Variants in SERPINF1 observed in about 807,000 individuals in gnomAD.
SERPINF1 encodes the protein serpin family F member 1, also known as pigment epithelium-derived factor.
In SERPINF1, 29 loss-of-function variants were observed where a neutral mutation model predicts 37.3. That is an observed-to-expected ratio of 0.78 (90% CI 0.58 to 1.06). The LOEUF is 1.06. Ranked by LOEUF, SERPINF1 falls within the 50% of genes least tolerant of loss-of-function variation. The pLI is 0.00. For missense variants in SERPINF1, 553 were observed against 532.2 expected (o/e 1.04, Z -0.38); for synonymous variants, 281 against 227.9 (o/e 1.23, Z -2.10).
rs2151211630 is a variant in SERPINF1, at chr17:1,775,108, T to C, written c.694T>C (p.Tyr232His). 3.4e-5 allele frequency: 55 copies of C among 1,614,130 alleles called. No individual in the cohort carries two copies. The highest frequency in any genetic ancestry group is 4.6e-5 in the Non-Finnish European group (54 of 1,180,034). The part of the protein sequence containing the change: ...DSRKTSLEDF[Y>H]LDEERTVRVP... ...CAGAAAGACTTCCCTCGAGGATTTCTACTTGGATGAAGAGAGGACCGTGAG... is the reference window on the plus strand; with the variant it reads ...CAGAAAGACTTCCCTCGAGGATTTCCACTTGGATGAAGAGAGGACCGTGAG... The change falls in exon 6 of 8, where the codon TAC becomes CAC. Residue 232 changes from tyrosine to histidine, a missense_variant. Coordinates refer to ENST00000254722, the MANE Select transcript of SERPINF1 (RefSeq NM_002615.7).
intron 1 of SERPINF1, chr17:1,766,620 G>A (rs1263839391): frequency 1.3e-5 from 4 of 307,822 alleles, no homozygotes; most frequent in Non-Finnish European, 2.4e-5. Context: ...CTTAAAGGAG[G>A]GTCCCCTGAC....
chr17:1,762,492 G>C (rs1428347113), intron 1 of SERPINF1, among the ~76,000 whole-genome samples: 1 of 152,204 alleles, frequency 6.6e-6, no homozygotes, highest in African/African-American at 2.4e-5. Flanking sequence ...AGGCAAGGAG[G>C]CTCACGGGAG....
intron 5 of SERPINF1, among the ~76,000 whole-genome samples, chr17:1,773,063 G>A (rs928369790): frequency 1.3e-4 from 20 of 152,278 alleles, no homozygotes; most frequent in African/African-American, 4.6e-4. Context: ...CATGGAGTCT[G>A]GGTCACAGCT....
At chr17:1,763,224 G>A (rs1238540954) in intron 1 of SERPINF1, among the ~76,000 whole-genome samples, 3 of 152,346 alleles carry the variant, frequency 2.0e-5, no homozygotes, top group East Asian at 3.9e-4. Flanking sequence ...AAGGCTGTGC[G>A]GTTCTGGGAA....
At chr17:1,766,874 C>A (rs753043133) in intron 1 of SERPINF1, 29 bp from the exon 2 acceptor site, 6 of 1,542,730 alleles carry the variant, frequency 3.9e-6, no homozygotes, top group African/African-American at 1.4e-5. Flanking sequence ...CGGGGGAGAG[C>A]GGCTTGCTGC....
intron 1 of SERPINF1, among the ~76,000 whole-genome samples, chr17:1,765,519 A>G (rs1222611778): frequency 6.7e-6 from 1 of 148,238 alleles, no homozygotes; most frequent in South Asian, 2.2e-4. Context: ...ATGGGGTTTC[A>G]CCATGTTGGC....
In SERPINF1 at chr17:1,771,064, G is replaced by A. The variant is rs1417787667; in HGVS notation, c.319G>A (p.Ala107Thr). The A allele has an allele frequency of 1.9e-6, 3 of 1,614,048 alleles. No individual in the cohort carries two copies. Among genetic ancestry groups the A allele is most frequent in the Admixed American group, 1.7e-5 (1 of 59,980 alleles). ...GCGAACAGAATCCATCATTCACCGG[G>A]CTCTCTACTATGACTTGATCAGCAG... ...EQRTESIIHRALYYDLISSPD... is the reference protein window; with the variant it reads ...EQRTESIIHRTLYYDLISSPD... The change falls in exon 4 of 8, where the codon GCT becomes ACT. Residue 107 changes from alanine (A) to threonine (T), a missense_variant. Physicochemically the swap from Ala to Thr is moderately conservative, Grantham distance 58. Transcript: ENST00000254722.
At chr17:1,768,063 G>A (rs1179135162) in intron 2 of SERPINF1, among the ~76,000 whole-genome samples, 1 of 151,918 alleles carries the variant, frequency 6.6e-6, no homozygotes, top group Non-Finnish European at 1.5e-5. Flanking sequence ...ATTACCAGGC[G>A]TGGTGGCAAG....
Position 1,771,039 on chromosome 17 carries a change from G to A in SERPINF1, c.294G>A (p.Gln98=). ...CCTTGTCTCTGGCAGGAGCGGAGCA[G>A]CGAACAGAATCCATCATTCACCGGG... ...ALSALSLGAE[Q]RTESIIHRAL... is the part of the protein sequence containing the mutation. Residue 98 remains glutamine (Q), a synonymous_variant, in exon 4 of 8, where the codon CAG becomes CAA. Transcript: ENST00000254722. 1 of 1,614,100 alleles carries A rather than the reference G, an allele frequency of 6.2e-7. No individual in the cohort carries two copies.
At chr17:1,763,238 G>C (rs1597344383) in intron 1 of SERPINF1, among the ~76,000 whole-genome samples, 1 of 152,236 alleles carries the variant, frequency 6.6e-6, no homozygotes, top group Non-Finnish European at 1.5e-5. Flanking sequence ...CTGGGAAGAG[G>C]GGGAGGTGGC....
chr17:1,773,835 C>T (rs1262425885), intron 5 of SERPINF1, among the ~76,000 whole-genome samples: 1 of 151,970 alleles, frequency 6.6e-6, no homozygotes, highest in African/African-American at 2.4e-5. Context: ...GTGGGGTGGC[C>T]TGGGGTAGGG....
At chr17:1,763,656 G>A (rs1373998065) in intron 1 of SERPINF1, among the ~76,000 whole-genome samples, 1 of 152,184 alleles carries the variant, frequency 6.6e-6, no homozygotes, top group Non-Finnish European at 1.5e-5. Flanking sequence ...TTATCCAGAT[G>A]GCTTGAAGTG....
chr17:1,766,999 G>A lies in SERPINF1; in HGVS notation c.84+5G>A, dbSNP rs1458558939. ...CCTGCCAGCCCCCCGGAGGAGGTCA[G>A]TAGGCAGGCGGGGAGGGCGTGGTCA... is the stretch of plus-strand genomic sequence containing the variant. On this transcript the variant is annotated splice_donor_5th_base_variant and intron_variant, in intron 2 of 7. Coordinates refer to ENST00000254722, the MANE Select transcript of SERPINF1 (RefSeq NM_002615.7). The A allele has an allele frequency of 5.8e-6, 9 of 1,551,374 alleles. No homozygotes were observed. Among genetic ancestry groups the A allele is most frequent in the Non-Finnish European group, 7.8e-6 (9 of 1,147,012 alleles).
At chr17:1,773,094 T>G (rs1326433111) in intron 5 of SERPINF1, among the ~76,000 whole-genome samples, 1 of 152,188 alleles carries the variant, frequency 6.6e-6, no homozygotes, top group Non-Finnish European at 1.5e-5. Flanking sequence ...CTGGGAACTG[T>G]GCTTGCCTGA....
chr17:1,763,313 C>T (rs567190481), intron 1 of SERPINF1, among the ~76,000 whole-genome samples: 16 of 152,290 alleles, frequency 1.1e-4, no homozygotes, highest in African/African-American at 2.9e-4. Flanking sequence ...TGAGTTGATC[C>T]GCCTCACGTG....
chr17:1,777,278 G>A lies in SERPINF1; in HGVS notation c.1089G>A (p.Glu363=). 1 of 1,614,144 alleles carries A rather than the reference G, an allele frequency of 6.2e-7. No individual in the cohort carries two copies. Residue 363 remains glutamate (E), a synonymous_variant, in exon 8 of 8, where the codon GAG becomes GAA. Transcript: ENST00000254722. ...AGGTGGAACACCGGGCTGGCTTTGA[G>A]TGGAACGAGGATGGGGCGGGAACCA... ...LTQVEHRAGF[E]WNEDGAGTTP...
chr17:1,776,475 C>G (rs763578842), intron 6 of SERPINF1, 57 bp from the exon 7 acceptor site: 25 of 1,539,526 alleles, frequency 1.6e-5, no homozygotes, highest in Non-Finnish European at 2.2e-5. Flanking sequence ...CTGGCTGTGT[C>G]TGTCCCCGGC....
At chr17:1,768,430 C>CAAAAAAAAA (rs71150813) in intron 2 of SERPINF1, among the ~76,000 whole-genome samples, 3 of 91,802 alleles carry the variant, frequency 3.3e-5, no homozygotes, top group African/African-American at 1.1e-4. Flanking sequence ...GACTCCGTCT[C>CAAAAAAAAA]AAAAAAAAAA....
At chr17:1,766,662 G>T in intron 1 of SERPINF1, 2 of 523,578 alleles carry the variant, frequency 3.8e-6, no homozygotes, top group Non-Finnish European at 6.8e-6. Flanking sequence ...CAAGCTTATG[G>T]TATGACTGTG....
Sources: allele counts gnomAD v4.1 joint callset (sites outside exome capture counted in the v4.1 genomes callset), GRCh38; gene constraint gnomAD v4.1.1; transcripts MANE v1.5; gene names NCBI Gene and HGNC (gene_info 2026-07-23, HGNC 2026-07-21).